Variants in SKI observed in about 807,000 individuals in gnomAD.
The protein encoded by SKI is SKI proto-oncogene.
Under a neutral mutation model 59.3 loss-of-function variants are expected in SKI, and 23 were observed. That is an observed-to-expected ratio of 0.39 (90% CI 0.28 to 0.55). The LOEUF (loss-of-function observed/expected upper bound fraction) is 0.55. Among genes scored for constraint, SKI ranks in the 20% least tolerant of loss-of-function variants. The probability of loss-of-function intolerance (pLI) is 0.67; values close to 1 mark genes in which losing one functional copy is unlikely to be tolerated. For synonymous variants in SKI, 673 were observed against 488.6 expected, an observed-to-expected ratio of 1.38 and a Z score of -4.98; for missense variants, 1,017 against 1,038.9, an observed-to-expected ratio of 0.98 and a Z score of 0.29.
At chr1:2,277,110 A>G (rs1206048817) in intron 1 of SKI, among the ~76,000 whole-genome samples, 1 of 152,204 alleles carries the variant, frequency 6.6e-6, no homozygotes, top group African/African-American at 2.4e-5. Flanking sequence ...TTTGTTTAAA[A>G]AGAAAGGCTG....
chr1:2,234,606 C>T (rs1331795775), intron 1 of SKI, among the ~76,000 whole-genome samples: 1 of 152,184 alleles, frequency 6.6e-6, no homozygotes, highest in Non-Finnish European at 1.5e-5. Flanking sequence ...GGCAGGGCCT[C>T]CAGAGAGAAG....
At chr1:2,263,232 G>C (rs959043762) in intron 1 of SKI, among the ~76,000 whole-genome samples, 1 of 116,574 alleles carries the variant, frequency 8.6e-6, no homozygotes, top group Non-Finnish European at 1.7e-5. Flanking sequence ...ATTTTGCTTA[G>C]AATTTTTTTT....
chr1:2,273,551 G>A (rs770634034), intron 1 of SKI, among the ~76,000 whole-genome samples: 3 of 152,168 alleles, frequency 2.0e-5, no homozygotes, highest in Non-Finnish European at 2.9e-5. Context: ...AGGGACACCC[G>A]TGACCCTGCC....
intron 1 of SKI, among the ~76,000 whole-genome samples, chr1:2,301,811 C>T (rs557901054): frequency 8.5e-5 from 13 of 152,348 alleles, no homozygotes; most frequent in Admixed American, 7.8e-4. Flanking sequence ...AGGTTGGCCT[C>T]GGCAGAGTGA....
rs34066789 is a variant in SKI at position 2,308,836 on chromosome 1, C to T, written c.*2071C>T. 2 of 152,244 alleles carry T rather than the reference C, an allele frequency of 1.3e-5. No homozygotes were observed. Among genetic ancestry groups the T allele is most frequent in the Non-Finnish European group, 2.9e-5 (2 of 68,094 alleles). The allele number at this position is 152,244 out of a possible 1,614,324, so 9.4% of individuals were successfully genotyped here. On this transcript the variant is annotated 3_prime_UTR_variant, in exon 7 of 7. Coordinates refer to ENST00000378536, the MANE Select transcript of SKI (RefSeq NM_003036.4). ...AAGCTGTGTCTGGGCCAGAGCCTCT[C>T]CTTGCCCTTGCTCCATCCCGACGGT... is the stretch of plus-strand genomic sequence containing the variant.
At chr1:2,304,964 G>C (rs562192756) in intron 5 of SKI, among the ~76,000 whole-genome samples, 1 of 152,254 alleles carries the variant, frequency 6.6e-6, no homozygotes, top group Admixed American at 6.5e-5. Context: ...GCTGCATGGA[G>C]ACAGTTCCTT....
intron 1 of SKI, among the ~76,000 whole-genome samples, chr1:2,295,392 C>T (rs1329102813): frequency 1.3e-5 from 2 of 152,230 alleles, no homozygotes; most frequent in Admixed American, 6.5e-5. Flanking sequence ...AAAATTAAGA[C>T]TGTATTCAGA....
chr1:2,245,704 G>C (rs1260258238), intron 1 of SKI, among the ~76,000 whole-genome samples: 2 of 150,694 alleles, frequency 1.3e-5, no homozygotes, highest in African/African-American at 4.9e-5. Flanking sequence ...TTGAATTCTT[G>C]ACCTTATGTG....
intron 1 of SKI, among the ~76,000 whole-genome samples, chr1:2,247,812 G>A (rs1003830796): frequency 6.6e-6 from 1 of 152,262 alleles, no homozygotes; most frequent in African/African-American, 2.4e-5. Context: ...CCCGAGTCCA[G>A]TCTGGCTCTC....
At chr1:2,271,866 G>A (rs1452872285) in intron 1 of SKI, among the ~76,000 whole-genome samples, 1 of 152,226 alleles carries the variant, frequency 6.6e-6, no homozygotes, top group Non-Finnish European at 1.5e-5. Context: ...ATCCTGGGGA[G>A]GATTGGCTGG....
intron 1 of SKI, among the ~76,000 whole-genome samples, chr1:2,280,335 C>T (rs951750819): frequency 5.3e-5 from 8 of 151,574 alleles, no homozygotes; most frequent in Non-Finnish European, 8.8e-5. Context: ...GAGATGGCAC[C>T]ACTGCACTCC....
chr1:2,267,156 C>A lies in SKI; in HGVS notation c.970-35822C>A. Among the ~76,000 whole-genome samples, 1 of 152,282 alleles carries A rather than the reference C, an allele frequency of 6.6e-6. No individual in the cohort carries two copies. The highest frequency in any genetic ancestry group is 1.9e-4 in the East Asian group (1 of 5,184). The stretch of plus-strand genomic sequence containing the variant: ...AGTGCCATGATTTTGACTATTCAGG[C>A]GAGCAACTGCATCGAGCCAGCACTG... On this transcript the variant is annotated intron_variant, in intron 1 of 6. Transcript: ENST00000378536. This position sits in a 1 kb window ranked among gnomAD's most constrained non-coding sequence, Gnocchi z 4.1.
At chr1:2,296,444 G>A (rs1042544197) in intron 1 of SKI, among the ~76,000 whole-genome samples, 4 of 152,150 alleles carry the variant, frequency 2.6e-5, no homozygotes, top group African/African-American at 4.8e-5. Context: ...GTGAGTTGAC[G>A]TCTCCCTGCG....
At position 2,285,086 on chromosome 1, in the gene SKI, G is replaced by A. The variant is rs1640007938; in HGVS notation, c.970-17892G>A. On this transcript the variant is annotated intron_variant, in intron 1 of 6. Transcript: ENST00000378536. ...GCAGTCGTGGCCAGGGTCAGAGTCT[G>A]GGTTGGAGATAGGTGTCATGCGGCA... Among the ~76,000 whole-genome samples, 14 of 152,214 alleles carry A rather than the reference G, an allele frequency of 9.2e-5. 1 individual carries two copies. The highest frequency in any genetic ancestry group is 9.2e-4 in the Admixed American group (14 of 15,288).
chr1:2,260,538 T>TC (rs772109842), intron 1 of SKI, among the ~76,000 whole-genome samples: 21 of 105,192 alleles, frequency 2.0e-4, no homozygotes, highest in Non-Finnish European at 3.5e-4. Flanking sequence ...TCTTTTTCTT[T>TC]TTTTTTTTTT....
intron 1 of SKI, among the ~76,000 whole-genome samples, chr1:2,284,213 G>A (rs1372538706): frequency 1.3e-5 from 2 of 152,164 alleles, no homozygotes; most frequent in East Asian, 1.9e-4. Context: ...CGTCCTCCCC[G>A]TTCCACTGGC....
At chr1:2,305,872 G>T in intron 5 of SKI, 148 bp from the exon 6 acceptor site, 1 of 711,320 alleles carries the variant, frequency 1.4e-6, no homozygotes, top group Admixed American at 2.1e-5. Context: ...GGCACCACAC[G>T]GGTTGGGCTG....
intron 1 of SKI, among the ~76,000 whole-genome samples, chr1:2,247,503 G>T (rs1290625709): frequency 6.6e-6 from 1 of 152,230 alleles, no homozygotes. Context: ...CCTCACAGAA[G>T]CCTGTCACGT....
At position 2,308,333 on chromosome 1, in the gene SKI, G is replaced by A. The variant is rs1486762288; in HGVS notation, c.*1568G>A. 6.6e-6 allele frequency: 1 copy of A among 152,216 alleles called. No individual in the cohort carries two copies. The highest frequency in any genetic ancestry group is 1.5e-5 in the Non-Finnish European group (1 of 68,050). 9.4% of individuals were successfully genotyped at this position (152,216 alleles called of 1,614,324 possible). A position where few individuals can be genotyped will look rare whatever the true frequency, so the allele number is the denominator to read the frequency against. ...TCTGGGTGGCGGAATTGCCTGCGGG[G>A]TTTTGCCCTTGGTTTACTGAGGGGG... On this transcript the variant is annotated 3_prime_UTR_variant, in exon 7 of 7. Coordinates refer to ENST00000378536, the MANE Select transcript of SKI (RefSeq NM_003036.4).
Sources: allele counts gnomAD v4.1 joint callset (sites outside exome capture counted in the v4.1 genomes callset), GRCh38; gene constraint gnomAD v4.1.1; non-coding constraint Gnocchi (gnomAD v3.1); transcripts MANE v1.5; gene names NCBI Gene and HGNC (gene_info 2026-07-23, HGNC 2026-07-21).